The following STRADA variants were observed in gnomAD, a reference collection of about 807,000 sequenced individuals.
STRADA encodes STE20 related adaptor alpha.
Under a neutral mutation model 55.0 loss-of-function variants are expected in STRADA, and 26 were observed. The observed-to-expected ratio is 0.47, with a 90% CI of 0.35 to 0.66. STRADA has a LOEUF of 0.66. Ranked by LOEUF, STRADA falls within the 30% of genes least tolerant of loss-of-function variation. The probability of loss-of-function intolerance (pLI) is 0.01; values close to 1 mark genes in which losing one functional copy is unlikely to be tolerated. For synonymous variants in STRADA, 197 were observed against 210.9 expected (o/e 0.93, Z 0.57); for missense variants, 443 against 549.7 (o/e 0.81, Z 1.94).
chr17:63,709,782 T>C (rs1471586258), intron 8 of STRADA, among the ~76,000 whole-genome samples: 1 of 152,228 alleles, frequency 6.6e-6, no homozygotes, highest in Non-Finnish European at 1.5e-5. Flanking sequence ...TTTTCCCTAC[T>C]ATGAGCTGAT....
chr17:63,722,517 T>C (rs1458660685), intron 4 of STRADA, among the ~76,000 whole-genome samples: 2 of 152,210 alleles, frequency 1.3e-5, no homozygotes, highest in Non-Finnish European at 2.9e-5. Flanking sequence ...AGAGAGGTGC[T>C]CCTGATTAGC....
rs765522764 is a variant in STRADA, at chr17:63,714,049, G to A, written c.183C>T (p.Ser61=). Residue 61 remains serine, a synonymous_variant, in exon 5 of 13, where the codon AGC becomes AGT. Transcript: ENST00000336174. ...ASFSKQEVMS[S]FLPEGGCYEL... is the part of the protein sequence containing the mutation. ...CGTAACACCCTCCCTCTGGCAGAAA[G>A]CTACTCATGACCTCCTGTTTAGAGA... 1 of 1,613,966 alleles carries A rather than the reference G, an allele frequency of 6.2e-7. No homozygotes were observed. The highest frequency in any genetic ancestry group is 1.7e-5 in the Admixed American group (1 of 60,002).
intron 10 of STRADA, chr17:63,705,251 A>G (rs2143744651): frequency 2.6e-6 from 1 of 382,110 alleles, no homozygotes; most frequent in East Asian, 4.8e-5. Context: ...GATTTAAATG[A>G]GGTTTAAAAT....
intron 10 of STRADA, chr17:63,705,109 A>G (rs1280451492): frequency 1.6e-6 from 1 of 620,264 alleles, no homozygotes; most frequent in Non-Finnish European, 2.9e-6. Flanking sequence ...CAACACATAT[A>G]AAACCAGCCC....
chr17:63,725,443 G>C (rs1267715292), intron 3 of STRADA, among the ~76,000 whole-genome samples: 1 of 150,980 alleles, frequency 6.6e-6, no homozygotes, highest in Non-Finnish European at 1.5e-5. Flanking sequence ...CCTCCACCTC[G>C]CGAGTTCAAG....
At position 63,716,588 on chromosome 17, in the gene STRADA, TG is replaced by T. The variant is rs1233753994; in HGVS notation, c.124-2481del. On this transcript the variant is annotated intron_variant, in intron 4 of 12. Coordinates refer to ENST00000336174, the MANE Select transcript of STRADA (RefSeq NM_001003787.4). ...TCTTCCTGTCTCTTGACCATTTTCC[TG>T]TTGTTTCAGTGCAGGATTTCCCCAA... Among the ~76,000 whole-genome samples the T allele has an allele frequency of 3.9e-5, 6 of 152,274 alleles. No homozygotes were observed. In the East Asian group the frequency reaches 1.2e-3, roughly 29 times the overall value.
intron 8 of STRADA, among the ~76,000 whole-genome samples, chr17:63,708,921 T>C (rs2036301949): frequency 6.6e-6 from 1 of 152,258 alleles, no homozygotes; most frequent in Non-Finnish European, 1.5e-5. Flanking sequence ...GGGTACTGTG[T>C]TCCGCATCCC....
At chr17:63,721,253 T>A (rs2037296508) in intron 4 of STRADA, among the ~76,000 whole-genome samples, 2 of 151,720 alleles carry the variant, frequency 1.3e-5, no homozygotes, top group South Asian at 4.2e-4. Flanking sequence ...GTGCCTGTAG[T>A]CCCAGCTACT....
Position 63,706,385 on chromosome 17 carries a change from G to A in STRADA, c.858+250C>T, listed in dbSNP as rs532813398. 149 of 471,130 alleles carry A rather than the reference G, an allele frequency of 3.2e-4. No individual in the cohort carries two copies. In the Middle Eastern group the frequency reaches 3.9e-3, roughly 12 times the overall value. 29.2% of individuals were successfully genotyped at this position (471,130 alleles called of 1,614,324 possible). A position where few individuals can be genotyped will look rare whatever the true frequency, so the allele number is the denominator to read the frequency against. ...TATATGTTTTAAATAGACATGTAGCGTGTGGGCCTCCATTTGCACCCCTGC... is the reference window on the plus strand; with the variant it reads ...TATATGTTTTAAATAGACATGTAGCATGTGGGCCTCCATTTGCACCCCTGC... On this transcript the variant is annotated intron_variant, in intron 10 of 12. Coordinates refer to ENST00000336174, the MANE Select transcript of STRADA (RefSeq NM_001003787.4).
intron 4 of STRADA, among the ~76,000 whole-genome samples, chr17:63,720,529 C>T (rs1454021006): frequency 1.3e-5 from 2 of 151,780 alleles, no homozygotes; most frequent in African/African-American, 2.4e-5. Context: ...AATCCCAGCA[C>T]TTTGGAAGGC....
Position 63,707,887 on chromosome 17 carries a change from C to T in STRADA, c.582-469G>A, listed in dbSNP as rs1253457672. On this transcript the variant is annotated intron_variant, in intron 8 of 12. Transcript: ENST00000336174. ...CTGGGACTACAGGCACCCGCCACCA[C>T]GCCCGGCTAATTTTTTTTTTTTTGT... 1.1e-4 allele frequency among the ~76,000 whole-genome samples: 16 copies of T among 147,496 alleles called. No homozygotes were observed. In the South Asian group the frequency reaches 3.0e-3, roughly 28 times the overall value.
At chr17:63,741,379 G>C (rs1271662738) in intron 1 of STRADA, 2 of 152,416 alleles carry the variant, frequency 1.3e-5, no homozygotes, top group Non-Finnish European at 2.9e-5. Flanking sequence ...TGGGGACAGC[G>C]GGGAGCCCAG....
Position 63,704,446 on chromosome 17 carries a change from G to A in STRADA, c.995C>T (p.Pro332Leu). The change falls in exon 11 of 13, where the codon CCC becomes CTC. Residue 332 changes from proline to leucine, a missense_variant. By Grantham distance (98) the Pro-to-Leu change is moderately conservative (BLOSUM62 -3). Transcript: ENST00000336174. The part of the protein sequence containing the change: ...GLSDSLTTST[P>L]RPSNGDSPSH... Reference sequence around the variant, plus strand: ...GGGCGAGTCACCGTTGGAGGGCCGGGGGGTGCTGGTGGTCAGGCTGTCACT... The same window carrying A: ...GGGCGAGTCACCGTTGGAGGGCCGGAGGGTGCTGGTGGTCAGGCTGTCACT... 1.2e-6 allele frequency: 2 copies of A among 1,612,852 alleles called. No homozygotes were observed. Among genetic ancestry groups the A allele is most frequent in the South Asian group, 1.1e-5 (1 of 91,044 alleles).
At chr17:63,719,447 TTAAA>T (rs2037132296) in intron 4 of STRADA, among the ~76,000 whole-genome samples, 2 of 152,320 alleles carry the variant, frequency 1.3e-5, no homozygotes, top group East Asian at 1.9e-4. Flanking sequence ...TTTATGTACT[TTAAA>T]TAACTCCCTT....
intron 4 of STRADA, chr17:63,714,522 C>T (rs926767961): frequency 2.2e-5 from 6 of 270,788 alleles, no homozygotes; most frequent in African/African-American, 1.3e-4. Flanking sequence ...TTTTTAAGGT[C>T]CTCACCACAA....
At chr17:63,736,922 C>T (rs1568227559) in intron 1 of STRADA, among the ~76,000 whole-genome samples, 1 of 138,692 alleles carries the variant, frequency 7.2e-6, no homozygotes, top group South Asian at 2.3e-4. Flanking sequence ...AGTCAAAGTC[C>T]GAATTTGAAA....
At chr17:63,714,231 C>G in intron 4 of STRADA, 123 bp from the exon 5 acceptor site, 1 of 697,582 alleles carries the variant, frequency 1.4e-6, no homozygotes, top group South Asian at 1.5e-5. Context: ...AATCCCGACT[C>G]AGTGCCAGCA....
intron 4 of STRADA, among the ~76,000 whole-genome samples, chr17:63,722,600 G>C (rs1179378403): frequency 6.6e-6 from 1 of 152,188 alleles, no homozygotes. Context: ...CTCAACCTTA[G>C]GGCTGCTGCA....
chr17:63,720,165 C>A (rs1265219086), intron 4 of STRADA, among the ~76,000 whole-genome samples: 2 of 145,944 alleles, frequency 1.4e-5, no homozygotes, highest in East Asian at 2.0e-4. Context: ...TGCCACCATG[C>A]CAAGCTAATT....
Sources: allele counts gnomAD v4.1 joint callset (sites outside exome capture counted in the v4.1 genomes callset), GRCh38; gene constraint gnomAD v4.1.1; transcripts MANE v1.5; gene names NCBI Gene and HGNC (gene_info 2026-07-23, HGNC 2026-07-21).